Variants in EML6 observed in about 807,000 individuals in gnomAD.
EML6 encodes echinoderm microtubule-associated protein-like 6.
EML6 carries 154 observed loss-of-function variants against 240.1 expected under a neutral mutation model. The observed-to-expected ratio is 0.64, with a 90% CI of 0.56 to 0.73. EML6 has a LOEUF of 0.73. Among genes scored for constraint, EML6 ranks in the 30% least tolerant of loss-of-function variants. The probability of loss-of-function intolerance (pLI) is 0.00; values close to 1 mark genes in which losing one functional copy is unlikely to be tolerated. For missense variants in EML6, 2,964 were observed against 2,474.6 expected (o/e 1.20, Z -4.20); for synonymous variants, 1,148 against 899.0 (o/e 1.28, Z -4.95).
In EML6 at chr2:54,970,078, G is replaced by C; in HGVS notation, c.5860G>C (p.Val1954Leu). 6.4e-7 allele frequency: 1 copy of C among 1,551,682 alleles called. No homozygotes were observed. Among genetic ancestry groups the C allele is most frequent in the South Asian group, 1.2e-5 (1 of 84,064 alleles). Residue 1954 changes from valine to leucine, a missense_variant, in exon 42 of 42, where the codon GTG becomes CTG. Transcript: ENST00000356458. ...TTTGATCTGCCTTTTCAGTGTATTT[G>C]TGTGGCGATGTCTGTAAAATGCCAG... ...STGGDDCSVF[V>L]WRCL is the part of the protein sequence containing the mutation.
At chr2:54,841,459 A>C (rs1485130211) in intron 7 of EML6, among the ~76,000 whole-genome samples, 1 of 152,112 alleles carries the variant, frequency 6.6e-6, no homozygotes, top group Non-Finnish European at 1.5e-5. Flanking sequence ...AAATGCATTT[A>C]TCTCATTGGA....
chr2:54,928,837 A>T, intron 28 of EML6, 86 bp downstream of exon 28: 1 of 1,474,288 alleles, frequency 6.8e-7, no homozygotes, highest in East Asian at 2.5e-5. Context: ...TTTGCCCTCA[A>T]AGTTGCTGTT....
At chr2:54,903,995 A>G (rs1394836497) in intron 24 of EML6, among the ~76,000 whole-genome samples, 4 of 151,806 alleles carry the variant, frequency 2.6e-5, no homozygotes, top group African/African-American at 4.8e-5. Context: ...ACCTACTCCT[A>G]CCTCCTCCAA....
At chr2:54,829,564 T>C in intron 7 of EML6, 87 bp downstream of exon 7, 1 of 1,056,418 alleles carries the variant, frequency 9.5e-7, no homozygotes, top group Non-Finnish European at 1.3e-6. Flanking sequence ...CTGTACCCCA[T>C]TTTAAAAAGG....
At chr2:54,800,237 T>C (rs187223674) in intron 2 of EML6, among the ~76,000 whole-genome samples, 24 of 152,134 alleles carry the variant, frequency 1.6e-4, no homozygotes, top group Admixed American at 1.3e-3. Flanking sequence ...CATGCAACCA[T>C]TTGATTTCTT....
At chr2:54,726,017 A>G (rs150380481) in intron 2 of EML6, among the ~76,000 whole-genome samples, 59 of 152,316 alleles carry the variant, frequency 3.9e-4, no homozygotes, top group African/African-American at 1.2e-3. Context: ...GAAAGGGGTT[A>G]TATTGTGATT....
chr2:54,844,977 A>G (rs1462322236), intron 8 of EML6, among the ~76,000 whole-genome samples: 1 of 152,222 alleles, frequency 6.6e-6, no homozygotes, highest in Non-Finnish European at 1.5e-5. Flanking sequence ...CTCAATGACA[A>G]ACAGGCCAGA....
chr2:54,968,334 AG>A, intron 40 of EML6, 53 bp downstream of exon 40: 1 of 1,524,622 alleles, frequency 6.6e-7, no homozygotes, highest in Non-Finnish European at 8.9e-7. Flanking sequence ...GGCCGTCTGC[AG>A]GAGATAGGGG....
At position 54,743,925 on chromosome 2, in the gene EML6, G is replaced by C. The variant is rs354203; in HGVS notation, c.197+18667G>C. ...TGAACTAGAGAATAGAGGAAGGAAG[G>C]TAAATTTGACTAGTGGGGTTTTGGA... On this transcript the variant is annotated intron_variant, in intron 2 of 41. Transcript: ENST00000356458. Among the ~76,000 whole-genome samples, 1,429 of 152,244 alleles carry C rather than the reference G, an allele frequency of 9.4e-3. 7 individuals are homozygous for C. The highest frequency in any genetic ancestry group is 0.018 in the South Asian group (86 of 4,824).
chr2:54,744,148 T>C (rs1463475749), intron 2 of EML6, among the ~76,000 whole-genome samples: 1 of 151,426 alleles, frequency 6.6e-6, no homozygotes, highest in African/African-American at 2.4e-5. Flanking sequence ...GGGGGGAATC[T>C]AGAAAATAAT....
intron 2 of EML6, among the ~76,000 whole-genome samples, chr2:54,763,660 A>G (rs1668066842): frequency 6.6e-6 from 1 of 152,222 alleles, no homozygotes; most frequent in African/African-American, 2.4e-5. Flanking sequence ...AATATGGAGA[A>G]TGAAAATCGT....
Position 54,843,935 on chromosome 2 carries a change from C to G in EML6, c.848-112C>G, listed in dbSNP as rs550211481. The G allele has an allele frequency of 7.7e-5, 60 of 777,208 alleles. 1 individual carries two copies. Among genetic ancestry groups the G allele is most frequent in the Non-Finnish European group, 1.1e-4 (51 of 476,006 alleles). 48.1% of individuals were successfully genotyped at this position (777,208 alleles called of 1,614,324 possible). Reference sequence around the variant, plus strand: ...TAAGATGTGTCACATTTGATGGTATCCTGGTTAAAGGGCATTTACTTTAGG... The same window carrying G: ...TAAGATGTGTCACATTTGATGGTATGCTGGTTAAAGGGCATTTACTTTAGG... On this transcript the variant is annotated intron_variant, in intron 7 of 41. Coordinates refer to ENST00000356458, the MANE Select transcript of EML6 (RefSeq NM_001039753.4).
intron 2 of EML6, among the ~76,000 whole-genome samples, chr2:54,791,788 C>T (rs1256118565): frequency 1.3e-5 from 2 of 152,124 alleles, no homozygotes; most frequent in Non-Finnish European, 2.9e-5. Flanking sequence ...GAAGTCCAGC[C>T]CTGGATTATA....
chr2:54,738,060 C>A (rs1289012080), intron 2 of EML6, among the ~76,000 whole-genome samples: 1 of 152,200 alleles, frequency 6.6e-6, no homozygotes, highest in African/African-American at 2.4e-5. Flanking sequence ...ACTGATTACT[C>A]TATTTAAAAT....
Position 54,879,564 on chromosome 2 carries a change from G to C in EML6, c.2362G>C (p.Val788Leu). 1.9e-6 allele frequency: 3 copies of C among 1,551,424 alleles called. No homozygotes were observed. Among genetic ancestry groups the C allele is most frequent in the Non-Finnish European group, 2.6e-6 (3 of 1,146,596 alleles). ...LDFSADGKCL[V>L]SVGLDDFHSI... ...TCATACAGCCGATGGAAAATGTCTGGTGTCGGTTGGTTTAGACGATTTTCA... is the reference window on the plus strand; with the variant it reads ...TCATACAGCCGATGGAAAATGTCTGCTGTCGGTTGGTTTAGACGATTTTCA... Residue 788 changes from valine to leucine, a missense_variant, in exon 17 of 42, where the codon GTG becomes CTG. Transcript: ENST00000356458.
intron 2 of EML6, among the ~76,000 whole-genome samples, chr2:54,789,513 CAAAAAAAAAAAAAAA>C (rs576842183): frequency 3.1e-4 from 24 of 77,880 alleles, no homozygotes; most frequent in Non-Finnish European, 4.3e-4. Flanking sequence ...GACTTCGTCT[CAAAAAAAAAAAAAAA>C]AAAAAAAAAA....
Position 54,916,812 on chromosome 2 carries a change from G to A in EML6, c.3552G>A (p.Glu1184=). Residue 1184 remains glutamate (E), a synonymous_variant, in exon 26 of 42, where the codon GAG becomes GAA. Coordinates refer to ENST00000356458, the MANE Select transcript of EML6 (RefSeq NM_001039753.4). ...CCTGTGTCCTGGGGCCCACCTGTGA[G>A]GGAATCTGGCCAGCACATAGCGATA... is the stretch of plus-strand genomic sequence containing the variant. The part of the protein sequence containing the change: ...TWTCVLGPTC[E]GIWPAHSDIT... 6.5e-7 allele frequency: 1 copy of A among 1,546,602 alleles called. No homozygotes were observed. The highest frequency in any genetic ancestry group is 2.4e-5 in the East Asian group (1 of 40,834).
chr2:54,836,657 T>G (rs959094909), intron 7 of EML6, among the ~76,000 whole-genome samples: 5 of 152,106 alleles, frequency 3.3e-5, no homozygotes, highest in African/African-American at 9.7e-5. Context: ...GGGGGTCCCC[T>G]GGCAGGGAGG....
At position 54,866,824 on chromosome 2, in the gene EML6, T is replaced by C. The variant is rs1313465833; in HGVS notation, c.1991T>C (p.Val664Ala). 2.6e-6 allele frequency: 4 copies of C among 1,551,338 alleles called. No individual in the cohort carries two copies. The highest frequency in any genetic ancestry group is 1.4e-5 in the African/African-American group (1 of 73,162). Residue 664 changes from valine (V) to alanine (A), a missense_variant, in exon 14 of 42, where the codon GTG becomes GCG. Physicochemically the swap from Val to Ala is moderately conservative, Grantham distance 64. Coordinates refer to ENST00000356458, the MANE Select transcript of EML6 (RefSeq NM_001039753.4). ...CAAAGTAAAGAGAAAAACCACGCAG[T>C]GCCCTTCCTCAAACGAGAAAAGGCT... ...KQQSKEKNHA[V>A]PFLKREKAPE...
Sources: gnomAD v4.1 joint callset for allele counts (sites outside exome capture counted in the v4.1 genomes callset) on GRCh38, gnomAD v4.1.1 for gene constraint, MANE v1.5 for transcripts, NCBI Gene and HGNC (gene_info 2026-07-23, HGNC 2026-07-21) for gene names.